Variants in HS6ST1 observed in about 807,000 individuals in gnomAD.
The protein encoded by HS6ST1 is heparan sulfate 6-O-sulfotransferase 1, also known as heparan-sulfate 6-O-sulfotransferase 1.
A neutral mutation model predicts 25.2 loss-of-function variants in HS6ST1; 3 were observed. The observed-to-expected ratio is 0.12, with a 90% confidence interval of 0.05 to 0.31. The LOEUF (loss-of-function observed/expected upper bound fraction) is 0.31. HS6ST1 is among the 10% of genes least tolerant of loss of function. The pLI, the probability that HS6ST1 is intolerant of heterozygous loss-of-function variation, is 1.00. For synonymous variants in HS6ST1, 204 were observed against 275.1 expected (o/e 0.74, Z 2.56); for missense variants, 310 against 609.6 (o/e 0.51, Z 5.18).
intron 1 of HS6ST1, among the ~76,000 whole-genome samples, chr2:128,284,893 C>G (rs1231153646): frequency 6.6e-6 from 1 of 152,212 alleles, no homozygotes; most frequent in Non-Finnish European, 1.5e-5. Context: ...ACCCCCACCC[C>G]CCACCTGGTG....
At chr2:128,310,584 C>T (rs904448851) in intron 1 of HS6ST1, among the ~76,000 whole-genome samples, 8 of 91,504 alleles carry the variant, frequency 8.7e-5, no homozygotes, top group Admixed American at 2.5e-4. Flanking sequence ...TCAAGGAAAA[C>T]AGCCCCATCT....
At chr2:128,273,984 A>G (rs1432391463) in intron 1 of HS6ST1, among the ~76,000 whole-genome samples, 4 of 152,220 alleles carry the variant, frequency 2.6e-5, no homozygotes, top group Non-Finnish European at 5.9e-5. Context: ...TGCCCTCAGG[A>G]GCCCAGGCTC....
chr2:128,283,850 C>G (rs537156846), intron 1 of HS6ST1, among the ~76,000 whole-genome samples: 1 of 152,214 alleles, frequency 6.6e-6, no homozygotes, highest in Admixed American at 6.5e-5. Context: ...CCTGCCGAAA[C>G]ATCTCTCCCA....
chr2:128,275,418 A>G (rs1476083673), intron 1 of HS6ST1, among the ~76,000 whole-genome samples: 1 of 152,256 alleles, frequency 6.6e-6, no homozygotes, highest in African/African-American at 2.4e-5. Context: ...TTATTTAGAA[A>G]TATGAAGGTA....
intron 1 of HS6ST1, among the ~76,000 whole-genome samples, chr2:128,276,836 G>T (rs1172456637): frequency 6.6e-6 from 1 of 152,016 alleles, no homozygotes; most frequent in East Asian, 1.9e-4. Context: ...CAGATTCCAG[G>T]CGTCTTCAGC....
intron 1 of HS6ST1, among the ~76,000 whole-genome samples, chr2:128,269,969 T>C (rs1573687801): frequency 6.6e-6 from 1 of 152,312 alleles, no homozygotes; most frequent in East Asian, 1.9e-4. Flanking sequence ...GGCAACTGCC[T>C]GATCTGACCG....
At position 128,266,307 on chromosome 2, in the gene HS6ST1, A is replaced by G. The variant is rs1213731631; in HGVS notation, c.*1855T>C. On this transcript the variant is annotated 3_prime_UTR_variant, in exon 2 of 2. Coordinates refer to ENST00000259241, the MANE Select transcript of HS6ST1 (RefSeq NM_004807.3). ...ATGTTGAGTGTCCGAGCAGATTCCC[A>G]TTGACCCTGACCTCCCTTTGAAAGA... The G allele has an allele frequency of 1.3e-5, 2 of 152,296 alleles. No homozygotes were observed. Among genetic ancestry groups the G allele is most frequent in the East Asian group, 1.9e-4 (1 of 5,188 alleles). The allele number at this position is 152,296 out of a possible 1,614,324, so 9.4% of individuals were successfully genotyped here. A position where few individuals can be genotyped will look rare whatever the true frequency, so the allele number is the denominator to read the frequency against.
In HS6ST1 at chr2:128,303,070, G is replaced by A. The variant is rs144945714; in HGVS notation, c.527+14967C>T. 4.3e-3 allele frequency among the ~76,000 whole-genome samples: 655 copies of A among 152,312 alleles called. 5 individuals carry two copies. The highest frequency in any genetic ancestry group is 0.015 in the African/African-American group (620 of 41,574). On this transcript the variant is annotated intron_variant, in intron 1 of 1. Transcript: ENST00000259241. ...CCCCAGGAGCCAGGCCCACACATCC[G>A]ACCTGCTGCCCATTCCCAGGAGGAA...
At chr2:128,305,415 T>C (rs1694194552) in intron 1 of HS6ST1, among the ~76,000 whole-genome samples, 1 of 152,188 alleles carries the variant, frequency 6.6e-6, no homozygotes, top group Admixed American at 6.5e-5. Context: ...TGCCTGGACT[T>C]GCGTGAGCTA....
At chr2:128,303,600 C>T (rs927969433) in intron 1 of HS6ST1, among the ~76,000 whole-genome samples, 8 of 152,224 alleles carry the variant, frequency 5.3e-5, no homozygotes, top group Non-Finnish European at 5.9e-5. Flanking sequence ...TGGCCAACCC[C>T]GTCAAGTGGG....
intron 1 of HS6ST1, among the ~76,000 whole-genome samples, chr2:128,285,812 T>C (rs1032394394): frequency 6.6e-6 from 1 of 152,102 alleles, no homozygotes; most frequent in Non-Finnish European, 1.5e-5. Flanking sequence ...TGATGGGTGG[T>C]ACTGGGAGCT....
chr2:128,280,500 C>T (rs1240104060), intron 1 of HS6ST1, among the ~76,000 whole-genome samples: 2 of 152,228 alleles, frequency 1.3e-5, no homozygotes, highest in Admixed American at 6.5e-5. Context: ...TGTGCCTGCA[C>T]CTGACCCAGT....
chr2:128,299,700 G>A (rs1476405571), intron 1 of HS6ST1, among the ~76,000 whole-genome samples: 1 of 152,190 alleles, frequency 6.6e-6, no homozygotes, highest in African/African-American at 2.4e-5. Context: ...AATCACAGTG[G>A]GCCAGGCCTG....
intron 1 of HS6ST1, among the ~76,000 whole-genome samples, chr2:128,299,753 G>A (rs1192875690): frequency 1.3e-5 from 2 of 152,242 alleles, no homozygotes; most frequent in East Asian, 3.9e-4. Flanking sequence ...GGCACACAGG[G>A]TAGGGAGCTG....
At chr2:128,310,876 C>T (rs1694280159) in intron 1 of HS6ST1, among the ~76,000 whole-genome samples, 1 of 152,202 alleles carries the variant, frequency 6.6e-6, no homozygotes. Context: ...AAGCAACTGG[C>T]CTGCTTGCAG....
In HS6ST1 at chr2:128,305,322, T is replaced by G. The variant is rs111562068; in HGVS notation, c.527+12715A>C. On this transcript the variant is annotated intron_variant, in intron 1 of 1. Transcript: ENST00000259241. ...CTCCTTGCTGGGCCTGGCTTCCCGA[T>G]GGGCCTGCTTGGACAGTTTTAAAGC... 4.1e-3 allele frequency among the ~76,000 whole-genome samples: 631 copies of G among 152,336 alleles called. 5 individuals are homozygous for G. The highest frequency in any genetic ancestry group is 5.9e-3 in the Non-Finnish European group (402 of 68,024).
At chr2:128,289,396 C>A (rs1693917928) in intron 1 of HS6ST1, among the ~76,000 whole-genome samples, 1 of 152,174 alleles carries the variant, frequency 6.6e-6, no homozygotes, top group Admixed American at 6.5e-5. Context: ...GTACGGTCGC[C>A]ACTATTAGAT....
chr2:128,297,653 G>A (rs984058555), intron 1 of HS6ST1, among the ~76,000 whole-genome samples: 1 of 152,144 alleles, frequency 6.6e-6, no homozygotes, highest in Admixed American at 6.5e-5. Flanking sequence ...GACCAACATG[G>A]AGAAACCCCG....
intron 1 of HS6ST1, among the ~76,000 whole-genome samples, chr2:128,272,269 C>T (rs1051614578): frequency 1.3e-5 from 2 of 152,212 alleles, no homozygotes; most frequent in Non-Finnish European, 2.9e-5. Flanking sequence ...GGGTATATCA[C>T]CCCTGGTCTC....
Sources: gnomAD v4.1 joint callset for allele counts (sites outside exome capture counted in the v4.1 genomes callset) on GRCh38, gnomAD v4.1.1 for gene constraint, MANE v1.5 for transcripts, NCBI Gene and HGNC (gene_info 2026-07-23, HGNC 2026-07-21) for gene names.